Variants in SIMC1 observed in about 807,000 individuals in gnomAD.
SIMC1 encodes SUMO-interacting motif-containing protein 1.
SIMC1 carries 55 observed loss-of-function variants against 82.3 expected under a neutral mutation model. That is an observed-to-expected ratio of 0.67 (90% confidence interval 0.54 to 0.84). SIMC1 has a LOEUF of 0.84. Ranked by LOEUF, SIMC1 falls within the 40% of genes least tolerant of loss-of-function variation. The pLI, the probability that SIMC1 is intolerant of heterozygous loss-of-function variation, is 0.00. For synonymous variants in SIMC1, 353 were observed against 426.3 expected (o/e 0.83, Z 2.12); for missense variants, 915 against 1,107.2 (o/e 0.83, Z 2.46).
chr5:176,271,997 A>G (rs1342697232), intron 1 of SIMC1, among the ~76,000 whole-genome samples: 4 of 145,088 alleles, frequency 2.8e-5, no homozygotes, highest in Non-Finnish European at 6.0e-5. Flanking sequence ...TAATATATAT[A>G]ACATATGTAA....
intron 1 of SIMC1, among the ~76,000 whole-genome samples, chr5:176,278,868 A>G (rs1039254129): frequency 6.7e-6 from 1 of 150,000 alleles, no homozygotes; most frequent in Admixed American, 6.7e-5. Context: ...TTTATTGAGG[A>G]TTTTTGCATC....
intron 1 of SIMC1, among the ~76,000 whole-genome samples, chr5:176,253,591 T>G (rs865984181): frequency 6.6e-6 from 1 of 151,966 alleles, no homozygotes; most frequent in Non-Finnish European, 1.5e-5. Flanking sequence ...TTGTAGGGAG[T>G]CATTGACAAC....
At position 176,299,392 on chromosome 5, in the gene SIMC1, T is replaced by TA. The variant is rs567330074; in HGVS notation, c.1734+3086dup. On this transcript the variant is annotated intron_variant, in intron 4 of 9. Coordinates refer to ENST00000429602, the MANE Select transcript of SIMC1 (RefSeq NM_001308195.2). Reference sequence around the variant, plus strand: ...GGGTGACATAGCAAGACCCTGTCTCTAAAAAAAAAAAAAAGAAATAAAGAT... The same window carrying TA: ...GGGTGACATAGCAAGACCCTGTCTCTAAAAAAAAAAAAAAAGAAATAAAGAT... Among the ~76,000 whole-genome samples, 644 of 132,364 alleles carry TA rather than the reference T, an allele frequency of 4.9e-3. 5 individuals carry two copies. Among genetic ancestry groups the TA allele is most frequent in the Middle Eastern group, 7.2e-3 (2 of 276 alleles). The allele number at this position is 132,364 out of a possible 152,430, so 86.8% of individuals were successfully genotyped here.
intron 1 of SIMC1, among the ~76,000 whole-genome samples, chr5:176,255,168 C>T (rs556356074): frequency 6.6e-6 from 1 of 151,918 alleles, no homozygotes; most frequent in South Asian, 2.1e-4. Context: ...CCCTGCTACT[C>T]CAGAGGCTGA....
intron 2 of SIMC1, among the ~76,000 whole-genome samples, chr5:176,293,413 C>T (rs1348177620): frequency 2.0e-5 from 3 of 149,486 alleles, no homozygotes; most frequent in South Asian, 2.1e-4. Context: ...CCAGCGTGGG[C>T]GACACAGCGA....
intron 1 of SIMC1, among the ~76,000 whole-genome samples, chr5:176,246,420 G>T (rs1360891839): frequency 6.8e-6 from 1 of 147,372 alleles, no homozygotes; most frequent in Non-Finnish European, 1.5e-5. Flanking sequence ...GTGTGTGTGT[G>T]TGTGTGTGTG....
In SIMC1 at chr5:176,345,178, TGCA is replaced by T. The variant is rs1199774635; in HGVS notation, c.2414-3_2414-1del. 1.2e-6 allele frequency: 2 copies of T among 1,610,468 alleles called. No homozygotes were observed. The highest frequency in any genetic ancestry group is 1.7e-5 in the Admixed American group (1 of 59,642). On this transcript the variant is annotated splice_acceptor_variant and splice_polypyrimidine_tract_variant and intron_variant, in intron 9 of 9. Transcript: ENST00000429602. LOFTEE classifies it high-confidence loss of function. The stretch of plus-strand genomic sequence containing the variant: ...GCACCCAACTGACTTTTTTCCCTCT[TGCA>T]GAACACTTAAGGAGTTCCGTGATCG...
Position 176,275,057 on chromosome 5 carries a change from T to C in SIMC1, c.130-14597T>C, listed in dbSNP as rs890972009. Reference sequence around the variant, plus strand: ...TGGGGATGGCATTGAATCTATAAATTACCTTGGGCAGTATGGCCATTTTCA... The same window carrying C: ...TGGGGATGGCATTGAATCTATAAATCACCTTGGGCAGTATGGCCATTTTCA... On this transcript the variant is annotated intron_variant, in intron 1 of 9. Transcript: ENST00000429602. 9.2e-5 allele frequency among the ~76,000 whole-genome samples: 14 copies of C among 151,728 alleles called. 1 individual carries two copies. The highest frequency in any genetic ancestry group is 1.5e-4 in the Non-Finnish European group (10 of 67,824).
chr5:176,306,850 C>T (rs1764438498), intron 4 of SIMC1, among the ~76,000 whole-genome samples: 1 of 151,658 alleles, frequency 6.6e-6, no homozygotes, highest in Admixed American at 6.6e-5. Flanking sequence ...CTTCCCTCCA[C>T]TGTTGTCCCA....
chr5:176,322,531 G>A (rs1235172910), intron 6 of SIMC1, 106 bp downstream of exon 6: 6 of 1,299,086 alleles, frequency 4.6e-6, no homozygotes, highest in Non-Finnish European at 6.2e-6. Context: ...CAAGATCTTA[G>A]AACATAGGCT....
At position 176,337,059 on chromosome 5, in the gene SIMC1, C is replaced by T; in HGVS notation, c.2329-3C>T. 1 of 1,613,706 alleles carries T rather than the reference C, an allele frequency of 6.2e-7. No homozygotes were observed. Among genetic ancestry groups the T allele is most frequent in the Non-Finnish European group, 8.5e-7 (1 of 1,179,678 alleles). ...TTATCAATCCATTTTACTATCTCTGCAGTCAGATAAAAGCCAGTGGCAGAC... is the reference window on the plus strand; with the variant it reads ...TTATCAATCCATTTTACTATCTCTGTAGTCAGATAAAAGCCAGTGGCAGAC... On this transcript the variant is annotated splice_region_variant and splice_polypyrimidine_tract_variant and intron_variant, in intron 8 of 9. Transcript: ENST00000429602.
intron 1 of SIMC1, among the ~76,000 whole-genome samples, chr5:176,254,181 A>G (rs1226968951): frequency 6.6e-6 from 1 of 152,156 alleles, no homozygotes; most frequent in Non-Finnish European, 1.5e-5. Context: ...CACCCACTAG[A>G]TGGACTAAAG....
chr5:176,300,531 A>G (rs1763998396), intron 4 of SIMC1, among the ~76,000 whole-genome samples: 1 of 150,910 alleles, frequency 6.6e-6, no homozygotes, highest in South Asian at 2.1e-4. Context: ...TAAGTTGCCC[A>G]GGCTGGTCTT....
intron 2 of SIMC1, among the ~76,000 whole-genome samples, chr5:176,293,816 G>A (rs72645799): frequency 0.14 from 20,927 of 151,526 alleles, 1,485 homozygotes; most frequent in Middle Eastern, 0.21. Context: ...CTTTAAAATT[G>A]TTTAATTCTA....
Position 176,276,161 on chromosome 5 carries a change from G to T in SIMC1, c.130-13493G>T, listed in dbSNP as rs575809223. Among the ~76,000 whole-genome samples the T allele has an allele frequency of 6.6e-5, 10 of 151,756 alleles. No individual in the cohort carries two copies. In the South Asian group the frequency reaches 2.1e-3, roughly 31 times the overall value. On this transcript the variant is annotated intron_variant, in intron 1 of 9. Coordinates refer to ENST00000429602, the MANE Select transcript of SIMC1 (RefSeq NM_001308195.2). Reference sequence around the variant, plus strand: ...GCCACAATTTCAGCTCCTGCTATTGGTCTGTTCAGAGATTCAACTTCTTCC... The same window carrying T: ...GCCACAATTTCAGCTCCTGCTATTGTTCTGTTCAGAGATTCAACTTCTTCC...
intron 4 of SIMC1, among the ~76,000 whole-genome samples, chr5:176,298,258 T>A (rs1763904334): frequency 6.6e-6 from 1 of 152,338 alleles, no homozygotes; most frequent in African/African-American, 2.4e-5. Flanking sequence ...ACCTTGGCTC[T>A]TCCCTTGGGC....
In SIMC1 at chr5:176,271,892, A is replaced by C. The variant is rs188621605; in HGVS notation, c.130-17762A>C. 3.6e-4 allele frequency among the ~76,000 whole-genome samples: 45 copies of C among 125,282 alleles called. 1 individual carries two copies. The highest frequency in any genetic ancestry group is 1.4e-3 in the Admixed American group (17 of 12,188). The allele number at this position is 125,282 out of a possible 152,430, so 82.2% of individuals were successfully genotyped here. ...ATAATATATAATTATTATATATATAATTATTATACATTAGTATATAATTGT... is the reference window on the plus strand; with the variant it reads ...ATAATATATAATTATTATATATATACTTATTATACATTAGTATATAATTGT... On this transcript the variant is annotated intron_variant, in intron 1 of 9. Transcript: ENST00000429602.
At chr5:176,263,187 A>G (rs1302063568) in intron 1 of SIMC1, among the ~76,000 whole-genome samples, 1 of 152,244 alleles carries the variant, frequency 6.6e-6, no homozygotes, top group South Asian at 2.1e-4. Flanking sequence ...GGAAAACTCA[A>G]TGTCATCAAG....
At chr5:176,334,218 C>T (rs907411004) in intron 7 of SIMC1, among the ~76,000 whole-genome samples, 3 of 152,066 alleles carry the variant, frequency 2.0e-5, no homozygotes, top group African/African-American at 7.2e-5. Context: ...TTATTGTGTT[C>T]TGGACATTGT....
Sources: gnomAD v4.1 joint callset for allele counts (sites outside exome capture counted in the v4.1 genomes callset) on GRCh38, gnomAD v4.1.1 for gene constraint, MANE v1.5 for transcripts, NCBI Gene and HGNC (gene_info 2026-07-23, HGNC 2026-07-21) for gene names.